Variants in LRRC4C observed in about 807,000 individuals in gnomAD.
The protein encoded by LRRC4C is leucine rich repeat containing 4C.
Under a neutral mutation model 33.6 loss-of-function variants are expected in LRRC4C, and 5 were observed. The observed-to-expected ratio is 0.15, with a 90% CI of 0.08 to 0.31. The LOEUF (loss-of-function observed/expected upper bound fraction) is 0.31. LRRC4C is among the 10% of genes least tolerant of loss of function. LRRC4C has a pLI of 1.00. For synonymous variants in LRRC4C, 329 were observed against 302.0 expected (o/e 1.09, Z -0.93); for missense variants, 560 against 796.7 (o/e 0.70, Z 3.58).
intron 2 of LRRC4C, among the ~76,000 whole-genome samples, chr11:40,878,941 A>G (rs1565161980): frequency 6.6e-6 from 1 of 152,218 alleles, no homozygotes; most frequent in African/African-American, 2.4e-5. Flanking sequence ...TTGCATCCCC[A>G]TGTCTGGCTG....
At chr11:40,701,821 T>C (rs1004130664) in intron 2 of LRRC4C, among the ~76,000 whole-genome samples, 3 of 151,872 alleles carry the variant, frequency 2.0e-5, no homozygotes, top group Non-Finnish European at 4.4e-5. Context: ...AACAGAAATT[T>C]AAAAAATCAT....
At chr11:41,240,927 A>G (rs1168512145) in intron 1 of LRRC4C, among the ~76,000 whole-genome samples, 2 of 152,144 alleles carry the variant, frequency 1.3e-5, no homozygotes, top group Non-Finnish European at 2.9e-5. Flanking sequence ...ATACCCTGAG[A>G]TCTACAATAG....
At chr11:40,309,515 A>ATTT (rs72004575) in intron 4 of LRRC4C, among the ~76,000 whole-genome samples, 1,622 of 146,010 alleles carry the variant, frequency 0.011, 20 homozygotes, top group Non-Finnish European at 0.017. Context: ...GCAGAAGTGT[A>ATTT]TTTTTTTTTT....
At chr11:41,170,922 C>T (rs1020676370) in intron 1 of LRRC4C, among the ~76,000 whole-genome samples, 4 of 152,112 alleles carry the variant, frequency 2.6e-5, no homozygotes, top group Non-Finnish European at 5.9e-5. Flanking sequence ...AAACAAACAA[C>T]CCCATCAAAA....
Position 40,730,335 on chromosome 11 carries a change from C to T in LRRC4C, c.-406-82057G>A, listed in dbSNP as rs184263534. On this transcript the variant is annotated intron_variant, in intron 2 of 6. Transcript: ENST00000528697. ...TGAATTCCTCAAAATAAAAGGTGTCCCAACCACTACATTTTTTCTGTTTAA... is the reference window on the plus strand; with the variant it reads ...TGAATTCCTCAAAATAAAAGGTGTCTCAACCACTACATTTTTTCTGTTTAA... Among the ~76,000 whole-genome samples, 3 of 152,094 alleles carry T rather than the reference C, an allele frequency of 2.0e-5. No individual in the cohort carries two copies. In the East Asian group the frequency reaches 5.8e-4, roughly 29 times the overall value.
intron 1 of LRRC4C, among the ~76,000 whole-genome samples, chr11:41,437,476 G>A (rs1225184726): frequency 2.6e-5 from 4 of 151,098 alleles, no homozygotes; most frequent in African/African-American, 9.8e-5. Context: ...CTAAACCAAG[G>A]ATTTAATGTG....
At chr11:41,059,972 C>A (rs1366093394) in intron 1 of LRRC4C, among the ~76,000 whole-genome samples, 8 of 152,084 alleles carry the variant, frequency 5.3e-5, no homozygotes. Context: ...TTGCAATCAG[C>A]CGAGATCACA....
intron 1 of LRRC4C, among the ~76,000 whole-genome samples, chr11:41,001,958 A>G (rs1854414457): frequency 6.6e-6 from 1 of 151,856 alleles, no homozygotes; most frequent in Non-Finnish European, 1.5e-5. Flanking sequence ...ATGTGGTTAC[A>G]TTAAACGAGG....
intron 1 of LRRC4C, among the ~76,000 whole-genome samples, chr11:41,369,737 A>G (rs1952675136): frequency 6.6e-6 from 1 of 151,570 alleles, no homozygotes; most frequent in Admixed American, 6.6e-5. Flanking sequence ...GAATGCTCAT[A>G]TAAGGAACTT....
intron 3 of LRRC4C, among the ~76,000 whole-genome samples, chr11:40,592,801 T>G (rs1029983127): frequency 6.6e-5 from 10 of 152,200 alleles, no homozygotes; most frequent in Non-Finnish European, 1.0e-4. Flanking sequence ...AATAGCAGTC[T>G]TATTACCTGA....
chr11:40,753,087 G>A (rs1052381527), intron 2 of LRRC4C, among the ~76,000 whole-genome samples: 5 of 151,806 alleles, frequency 3.3e-5, no homozygotes, highest in African/African-American at 4.8e-5. Flanking sequence ...TTTTGAGACG[G>A]AGTTGTTGAT....
intron 5 of LRRC4C, among the ~76,000 whole-genome samples, chr11:40,153,455 G>T (rs1858394197): frequency 6.6e-6 from 1 of 152,092 alleles, no homozygotes; most frequent in African/African-American, 2.4e-5. Flanking sequence ...TGATTTACCT[G>T]AAAAGGAATT....
At chr11:40,327,177 G>A (rs1405436173) in intron 3 of LRRC4C, among the ~76,000 whole-genome samples, 1 of 152,200 alleles carries the variant, frequency 6.6e-6, no homozygotes, top group Non-Finnish European at 1.5e-5. Context: ...GGCAGAGAAA[G>A]AAATGTAAGC....
At chr11:40,447,858 C>G (rs1951709900) in intron 3 of LRRC4C, among the ~76,000 whole-genome samples, 1 of 152,102 alleles carries the variant, frequency 6.6e-6, no homozygotes, top group South Asian at 2.1e-4. Flanking sequence ...GCTCTGTTGC[C>G]CAGGCTGGAG....
intron 1 of LRRC4C, among the ~76,000 whole-genome samples, chr11:41,366,556 A>T (rs990424215): frequency 1.3e-5 from 2 of 152,196 alleles, no homozygotes; most frequent in African/African-American, 4.8e-5. Flanking sequence ...CCTTTAAAAA[A>T]GTTAAATAGA....
chr11:41,405,368 C>T (rs1190317405), intron 1 of LRRC4C, among the ~76,000 whole-genome samples: 1 of 151,994 alleles, frequency 6.6e-6, no homozygotes, highest in East Asian at 1.9e-4. Flanking sequence ...AAGTTTCTTC[C>T]CTGTGTCATA....
At chr11:40,886,328 G>A (rs1285695055) in intron 2 of LRRC4C, among the ~76,000 whole-genome samples, 1 of 151,476 alleles carries the variant, frequency 6.6e-6, no homozygotes, top group Non-Finnish European at 1.5e-5. Context: ...TTCTCAACTG[G>A]AGAAATAGCC....
intron 2 of LRRC4C, among the ~76,000 whole-genome samples, chr11:40,838,349 A>AAAT (rs1952767852): frequency 1.3e-5 from 2 of 152,282 alleles, no homozygotes; most frequent in South Asian, 4.1e-4. Context: ...ACCCTGATGA[A>AAAT]AATGTTTTGT....
intron 2 of LRRC4C, among the ~76,000 whole-genome samples, chr11:40,697,092 C>T (rs1323957512): frequency 6.6e-6 from 1 of 151,912 alleles, no homozygotes; most frequent in African/African-American, 2.4e-5. Context: ...GGGAAATAGG[C>T]TGAAATCTCT....
Sources: gnomAD v4.1 joint callset for allele counts (sites outside exome capture counted in the v4.1 genomes callset) on GRCh38, gnomAD v4.1.1 for gene constraint, MANE v1.5 for transcripts, NCBI Gene and HGNC (gene_info 2026-07-23, HGNC 2026-07-21) for gene names.